DNAJC10: variants seen among roughly 807,000 people sequenced by gnomAD.
The protein encoded by DNAJC10 is DnaJ heat shock protein family (Hsp40) member C10.
In DNAJC10, 101 loss-of-function variants were observed where a neutral mutation model predicts 115.0. The ratio of observed to expected loss-of-function variants is 0.88; its 90% CI spans 0.75 to 1.04. The LOEUF is 1.04. DNAJC10 is among the 50% of genes least tolerant of loss of function. DNAJC10 has a pLI of 0.00. For synonymous variants in DNAJC10, 307 were observed against 301.5 expected (o/e 1.02, Z -0.19); for missense variants, 981 against 928.8 (o/e 1.06, Z -0.73).
chr2:182,739,877 C>G, intron 11 of DNAJC10: 1 of 986,836 alleles, frequency 1.0e-6, no homozygotes, highest in Non-Finnish European at 1.2e-6. Context: ...ATTCTTCCTT[C>G]TAGTGTTATA....
chr2:182,792,611 T>C lies in DNAJC10; in HGVS notation c.*15479T>C, dbSNP rs539723868. The stretch of plus-strand genomic sequence containing the variant: ...ATCTAAATGCATGCCAGTTTCTTTC[T>C]TGATAAATTAGAGGCCTATAACCTC... On this transcript the variant is annotated 3_prime_UTR_variant, in exon 24 of 24. Coordinates refer to ENST00000264065, the MANE Select transcript of DNAJC10 (RefSeq NM_018981.4). 6.6e-6 allele frequency: 1 copy of C among 152,368 alleles called. No individual in the cohort carries two copies. Among genetic ancestry groups the C allele is most frequent in the East Asian group, 1.9e-4 (1 of 5,188 alleles). 9.4% of individuals were successfully genotyped at this position (152,368 alleles called of 1,614,324 possible).
Position 182,785,281 on chromosome 2 carries a change from G to C in DNAJC10, c.*8149G>C, listed in dbSNP as rs1042644467. 4 of 151,690 alleles carry C rather than the reference G, an allele frequency of 2.6e-5. No individual in the cohort carries two copies. The highest frequency in any genetic ancestry group is 6.6e-5 in the Admixed American group (1 of 15,216). The allele number at this position is 151,690 out of a possible 1,614,324, so 9.4% of individuals were successfully genotyped here. On this transcript the variant is annotated 3_prime_UTR_variant, in exon 24 of 24. Transcript: ENST00000264065. ...TTCTAATAAATAAAACATAAAATTGGACTAATAGCTTAATTTTTTTTTTTA... is the reference window on the plus strand; with the variant it reads ...TTCTAATAAATAAAACATAAAATTGCACTAATAGCTTAATTTTTTTTTTTA...
chr2:182,747,054 T>G (rs1341425682), intron 14 of DNAJC10, among the ~76,000 whole-genome samples: 3 of 152,196 alleles, frequency 2.0e-5, no homozygotes, highest in African/African-American at 4.8e-5. Flanking sequence ...TATGCGGCGT[T>G]ATTTCTGAGG....
At chr2:182,759,352 T>TTAG in intron 21 of DNAJC10, 45 bp downstream of exon 21, 1 of 1,548,906 alleles carries the variant, frequency 6.5e-7, no homozygotes, top group South Asian at 1.2e-5. Flanking sequence ...CATTCATGTT[T>TTAG]TAGTAATTAG....
At chr2:182,771,319 T>TTG (rs1199383462) in intron 22 of DNAJC10, among the ~76,000 whole-genome samples, 2 of 152,212 alleles carry the variant, frequency 1.3e-5, no homozygotes, top group Non-Finnish European at 2.9e-5. Flanking sequence ...CAGGCTTTGG[T>TTG]ATCAGGATGA....
In DNAJC10 at chr2:182,788,931, CAA is replaced by C; in HGVS notation, c.*11802_*11803del. On this transcript the variant is annotated 3_prime_UTR_variant, in exon 24 of 24. Transcript: ENST00000264065. ...TTAAATTGTGATAAAGTACATGTAA[CAA>C]AATTTATTAATCATTTTAAAGTAGC... The C allele has an allele frequency of 7.4e-6, 3 of 407,882 alleles. No homozygotes were observed. Among genetic ancestry groups the C allele is most frequent in the Admixed American group, 3.1e-5 (1 of 31,766 alleles). 25.3% of individuals were successfully genotyped at this position (407,882 alleles called of 1,614,324 possible).
chr2:182,729,911 GT>G lies in DNAJC10; in HGVS notation c.699del (p.Arg234GlufsTer4). On this transcript the variant is annotated frameshift_variant, in exon 8 of 24. Coordinates refer to ENST00000264065, the MANE Select transcript of DNAJC10 (RefSeq NM_018981.4). LOFTEE classifies it high-confidence loss of function. ...TTTAGTGAGTTTTGCAATGCAGCAT[GT>G]TAGAAGTACAGTGACAGAACTTTGG... Reference protein sequence around the residue: ...ESLVSFAMQHVRSTVTELWTG... With the variant: ...ESLVSFAMQHXRSTVTELWTG... 1 of 1,609,344 alleles carries G rather than the reference GT, an allele frequency of 6.2e-7. No individual in the cohort carries two copies. The highest frequency in any genetic ancestry group is 8.5e-7 in the Non-Finnish European group (1 of 1,177,632).
At chr2:182,756,188 T>A in intron 17 of DNAJC10, 126 bp from the exon 18 acceptor site, 2 of 785,346 alleles carry the variant, frequency 2.5e-6, no homozygotes, top group Non-Finnish European at 3.8e-6. Flanking sequence ...ATTCCAAAAT[T>A]CAAAATTCTC....
intron 10 of DNAJC10, among the ~76,000 whole-genome samples, chr2:182,735,386 A>G (rs1693558521): frequency 6.6e-6 from 1 of 151,920 alleles, no homozygotes; most frequent in African/African-American, 2.4e-5. Flanking sequence ...TTAAATGTAC[A>G]ACTTAATTTT....
Position 182,775,397 on chromosome 2 carries a change from C to T in DNAJC10, c.2347C>T (p.Arg783Ter), listed in dbSNP as rs768604934. The T allele has an allele frequency of 9.9e-6, 16 of 1,612,278 alleles. No individual in the cohort carries two copies. Among genetic ancestry groups the T allele is most frequent in the African/African-American group, 1.3e-5 (1 of 74,946 alleles). ...AATAAGTGAAAAATTGGAAACTCTC[C>T]GAAATCAAGGCAAGAGGAATAAGGT... ...ALISEKLETL[R>*]NQGKRNKDEL is the part of the protein sequence containing the mutation. The change falls in exon 23 of 24, where the codon CGA (arginine) becomes TGA (stop). Residue 783 changes from arginine to a stop codon, truncating the protein, a stop_gained. Transcript: ENST00000264065. LOFTEE classifies it high-confidence loss of function.
At chr2:182,736,799 T>C (rs1693596488) in intron 11 of DNAJC10, among the ~76,000 whole-genome samples, 1 of 152,158 alleles carries the variant, frequency 6.6e-6, no homozygotes, top group South Asian at 2.1e-4. Context: ...GCCCAGGCTG[T>C]AGTGCAGTGG....
rs1221650783 is a variant in DNAJC10 at position 182,743,707 on chromosome 2, A to G, written c.1301A>G (p.His434Arg). 6.3e-7 allele frequency: 1 copy of G among 1,591,664 alleles called. No homozygotes were observed. The highest frequency in any genetic ancestry group is 8.6e-7 in the Non-Finnish European group (1 of 1,164,220). Reference protein sequence around the residue: ...KGQGTKEYEIHHGKKILYDIL... With the variant: ...KGQGTKEYEIRHGKKILYDIL... ...CAAGGAACCAAAGAATATGAAATTC[A>G]TCATGGTAAGAATGGAAAAAAATGA... Residue 434 changes from histidine to arginine, a missense_variant, in exon 14 of 24, where the codon CAT (histidine) becomes CGT (arginine). By Grantham distance (29) the His-to-Arg change is conservative. Transcript: ENST00000264065.
chr2:182,745,134 T>C (rs997568721), intron 14 of DNAJC10, among the ~76,000 whole-genome samples: 1 of 152,218 alleles, frequency 6.6e-6, no homozygotes, highest in African/African-American at 2.4e-5. Flanking sequence ...TTCCTTAGCA[T>C]AGAAGCAATA....
At chr2:182,751,828 T>A (rs1339894229) in intron 15 of DNAJC10, 43 bp downstream of exon 15, 1 of 1,591,318 alleles carries the variant, frequency 6.3e-7, no homozygotes, top group African/African-American at 1.4e-5. Context: ...TGTCAGATCT[T>A]CTCCTGTTAT....
intron 22 of DNAJC10, among the ~76,000 whole-genome samples, chr2:182,772,477 T>C (rs1371362429): frequency 1.3e-5 from 2 of 152,210 alleles, no homozygotes; most frequent in Admixed American, 6.5e-5. Context: ...TCTAAGGACT[T>C]ACTTTATGAA....
chr2:182,749,552 C>G (rs939200516), intron 14 of DNAJC10, among the ~76,000 whole-genome samples: 1 of 151,078 alleles, frequency 6.6e-6, no homozygotes, highest in Admixed American at 6.6e-5. Context: ...ATGTGTGTCT[C>G]TGCACATGAG....
intron 22 of DNAJC10, among the ~76,000 whole-genome samples, chr2:182,774,821 C>T (rs1356486406): frequency 6.6e-6 from 1 of 152,226 alleles, no homozygotes; most frequent in Non-Finnish European, 1.5e-5. Context: ...GACAACACCC[C>T]CCCCAATCCC....
chr2:182,743,509 G>T (rs1275424202), intron 13 of DNAJC10, 89 bp from the exon 14 acceptor site: 1 of 867,352 alleles, frequency 1.2e-6, no homozygotes. Flanking sequence ...GTGTCATTAG[G>T]GCAGTGCCAT....
rs757877683 is a variant in DNAJC10 at position 182,784,795 on chromosome 2, T to G, written c.*7663T>G. On this transcript the variant is annotated 3_prime_UTR_variant, in exon 24 of 24. Transcript: ENST00000264065. ...TTTGAAAGGAACTTTCTCAAAGGAT[T>G]TTTAGGGCTTCATAATTTCTTGTTG... 5 of 152,182 alleles carry G rather than the reference T, an allele frequency of 3.3e-5. No homozygotes were observed. Among genetic ancestry groups the G allele is most frequent in the Non-Finnish European group, 5.9e-5 (4 of 68,020 alleles). The allele number at this position is 152,182 out of a possible 1,614,324, so 9.4% of individuals were successfully genotyped here.
Sources: gnomAD v4.1 joint callset for allele counts (sites outside exome capture counted in the v4.1 genomes callset) on GRCh38, gnomAD v4.1.1 for gene constraint, MANE v1.5 for transcripts, NCBI Gene and HGNC (gene_info 2026-07-23, HGNC 2026-07-21) for gene names.